The following MICA variants were observed in gnomAD, a reference collection of about 807,000 sequenced individuals.
MICA encodes MHC class I polypeptide-related sequence A.
Under a neutral mutation model 34.3 loss-of-function variants are expected in MICA, and 18 were observed. The ratio of observed to expected loss-of-function variants is 0.52; its 90% CI spans 0.36 to 0.78. The LOEUF is 0.78. MICA is among the 30% of genes least tolerant of loss of function. The pLI is 0.00. For synonymous variants in MICA, 135 were observed against 156.9 expected (o/e 0.86, Z 1.04); for missense variants, 333 against 409.4 (o/e 0.81, Z 1.61).
Position 31,411,527 on chromosome 6 carries a change from A to T in MICA, c.613+168A>T, listed in dbSNP as rs2853977. Among the ~76,000 whole-genome samples, 97,776 of 151,440 alleles carry T rather than the reference A, an allele frequency of 0.65. 32,646 individuals carry two copies. Among genetic ancestry groups the T allele is most frequent in the South Asian group, 0.8 (3,820 of 4,796 alleles). On this transcript the variant is annotated intron_variant, in intron 3 of 5. Coordinates refer to ENST00000449934, the MANE Select transcript of MICA (RefSeq NM_001177519.3). The surrounding 1 kb of genome is among the most constrained non-coding windows in gnomAD (Gnocchi z 4.3). ...TGTTAGAGCCACTGGATAAAGACAG[A>T]GGGTCAGGGACTGGACCATCCAGTG...
intron 1 of MICA, among the ~76,000 whole-genome samples, chr6:31,406,870 G>A (rs1313409054): frequency 6.6e-6 from 1 of 151,818 alleles, no homozygotes; most frequent in African/African-American, 2.4e-5. Context: ...GTAGATGTAT[G>A]GAATTGTTTC....
In MICA at chr6:31,411,658, C is replaced by T. The variant is rs1771163421; in HGVS notation, c.614-289C>T. Reference sequence around the variant, plus strand: ...GGCCAGGGCTGCCCCCTCTGCCTCCCAGCCTGCCCATCCTGGAGAGTTCCC... The same window carrying T: ...GGCCAGGGCTGCCCCCTCTGCCTCCTAGCCTGCCCATCCTGGAGAGTTCCC... On this transcript the variant is annotated intron_variant, in intron 3 of 5. Coordinates refer to ENST00000449934, the MANE Select transcript of MICA (RefSeq NM_001177519.3). This position sits in a 1 kb window ranked among gnomAD's most constrained non-coding sequence, Gnocchi z 4.3. 6.6e-6 allele frequency among the ~76,000 whole-genome samples: 1 copy of T among 151,762 alleles called. No homozygotes were observed. The highest frequency in any genetic ancestry group is 2.1e-4 in the South Asian group (1 of 4,820).
At position 31,408,627 on chromosome 6, in the gene MICA, T is replaced by A. The variant is rs146667604; in HGVS notation, c.71-1916T>A. Among the ~76,000 whole-genome samples the A allele has an allele frequency of 2.9e-3, 437 of 152,058 alleles. 16 individuals are homozygous for A. In the East Asian group the frequency reaches 0.051, roughly 18 times the overall value. Reference sequence around the variant, plus strand: ...ACCACCATTCTACTTTTTGTTTCTATGAATTTGACCACTCTAGGTACCTCA... The same window carrying A: ...ACCACCATTCTACTTTTTGTTTCTAAGAATTTGACCACTCTAGGTACCTCA... On this transcript the variant is annotated intron_variant, in intron 1 of 5. Coordinates refer to ENST00000449934, the MANE Select transcript of MICA (RefSeq NM_001177519.3).
intron 5 of MICA, among the ~76,000 whole-genome samples, chr6:31,412,854 C>A (rs1186126604): frequency 6.6e-6 from 1 of 151,938 alleles, no homozygotes; most frequent in Non-Finnish European, 1.5e-5. Flanking sequence ...GTAAAGGCAG[C>A]TGTGATCTGG....
chr6:31,410,388 T>C (rs1477896724), intron 1 of MICA, among the ~76,000 whole-genome samples, 155 bp from the exon 2 acceptor site: 1 of 151,618 alleles, frequency 6.6e-6, no homozygotes, highest in Non-Finnish European at 1.5e-5. Context: ...CCTCCCACCC[T>C]CACAGTTTTC....
At chr6:31,413,755 G>T (rs185647078) in intron 5 of MICA, among the ~76,000 whole-genome samples, 55 of 152,040 alleles carry the variant, frequency 3.6e-4, no homozygotes, top group Middle Eastern at 3.4e-3. Flanking sequence ...CTCACCTGTG[G>T]CGTCTCCCGT....
At chr6:31,408,058 G>A (rs956122391) in intron 1 of MICA, among the ~76,000 whole-genome samples, 1 of 151,804 alleles carries the variant, frequency 6.6e-6, no homozygotes, top group Admixed American at 6.6e-5. Context: ...TTATCATGAA[G>A]GGATGTTGAA....
chr6:31,414,785 C>T (rs1242241389), intron 5 of MICA, among the ~76,000 whole-genome samples: 1 of 151,736 alleles, frequency 6.6e-6, no homozygotes, highest in African/African-American at 2.4e-5. Context: ...CCTCCCTGCA[C>T]GATGAGTGGT....
At chr6:31,403,578 G>A (rs2301749), upstream of MICA, 18,855 of 1,403,636 alleles carry the variant, frequency 0.013, 193 homozygotes, top group South Asian at 0.027. This position sits in a 1 kb window ranked among gnomAD's most constrained non-coding sequence, Gnocchi z 4.7. Context: ...AGTTTCCGCG[G>A]CGCCTTCTCC....
rs372120550 is a variant in MICA at position 31,410,417 on chromosome 6, G to A, written c.71-126G>A. 622 of 1,240,658 alleles carry A rather than the reference G, an allele frequency of 5.0e-4. 21 individuals carry two copies. In the South Asian group the frequency reaches 8.4e-3, roughly 17 times the overall value. The allele number at this position is 1,240,658 out of a possible 1,614,324, so 76.9% of individuals were successfully genotyped here. A position where few individuals can be genotyped will look rare whatever the true frequency, so the allele number is the denominator to read the frequency against. ...AGTTTTCTTTGTATATGAAATCCTC[G>A]TTCTTGTCCCTTTGCCCGTGTGCAT... On this transcript the variant is annotated intron_variant, in intron 1 of 5. Coordinates refer to ENST00000449934, the MANE Select transcript of MICA (RefSeq NM_001177519.3).
rs1051797 is a variant in MICA, at chr6:31,412,017, C to T, written c.684C>T (p.Ser228=). The change falls in exon 4 of 6, where the codon TCC becomes TCT. Residue 228 remains serine (S), a synonymous_variant. Transcript: ENST00000449934. ...ACATCACCGTGACATGCAGGGCTTC[C>T]AGCTTCTATCCCCGGAATATCATAC... is the stretch of plus-strand genomic sequence containing the variant. The part of the protein sequence containing the change: ...EGNITVTCRA[S]SFYPRNIILT... The T allele has an allele frequency of 0.29, 468,133 of 1,604,280 alleles. 73,757 individuals are homozygous for T. The highest frequency in any genetic ancestry group is 0.45 in the African/African-American group (33,539 of 74,482).
chr6:31,410,715 A>G lies in MICA; in HGVS notation c.243A>G (p.Thr81=), dbSNP rs17206546. Residue 81 remains threonine, a synonymous_variant, in exon 2 of 6, where the codon ACA becomes ACG. Coordinates refer to ENST00000449934, the MANE Select transcript of MICA (RefSeq NM_001177519.3). The stretch of plus-strand genomic sequence containing the variant: ...CAGAAGATGTCCTGGGAAATAAGAC[A>G]TGGGACAGAGAGACCAGGGACTTGA... ...QWAEDVLGNK[T]WDRETRDLTG... 23 of 1,611,028 alleles carry G rather than the reference A, an allele frequency of 1.4e-5. No homozygotes were observed. The highest frequency in any genetic ancestry group is 2.0e-5 in the Non-Finnish European group (23 of 1,179,090).
In MICA at chr6:31,415,108, T is replaced by C. The variant is rs761608669; in HGVS notation, c.*126T>C. ...GGATTTCAGCCTCTGATGTCAGCTC[T>C]TGGGTCCACTGGCTCCACTGAGGGC... On this transcript the variant is annotated 3_prime_UTR_variant, in exon 6 of 6. Transcript: ENST00000449934. The C allele has an allele frequency of 2.0e-5, 24 of 1,194,730 alleles. No homozygotes were observed. In the South Asian group the frequency reaches 2.6e-4, roughly 13 times the overall value. 74.0% of individuals were successfully genotyped at this position (1,194,730 alleles called of 1,614,324 possible). A position where few individuals can be genotyped will look rare whatever the true frequency, so the allele number is the denominator to read the frequency against.
chr6:31,403,766 T>G lies in MICA; in HGVS notation c.70+64T>G. 3 of 1,448,106 alleles carry G rather than the reference T, an allele frequency of 2.1e-6. No individual in the cohort carries two copies. The highest frequency in any genetic ancestry group is 2.8e-6 in the Non-Finnish European group (3 of 1,080,362). The allele number at this position is 1,448,106 out of a possible 1,614,324, so 89.7% of individuals were successfully genotyped here. A position where few individuals can be genotyped will look rare whatever the true frequency, so the allele number is the denominator to read the frequency against. ...CAGTGGGACGTTTCCGGGGGTCGGG[T>G]GGGTAGCGGCGAGCGCTGTGCGGTC... On this transcript the variant is annotated intron_variant, in intron 1 of 5. Coordinates refer to ENST00000449934, the MANE Select transcript of MICA (RefSeq NM_001177519.3). The surrounding 1 kb of genome is among the most constrained non-coding windows in gnomAD (Gnocchi z 4.7).
chr6:31,409,006 CAA>C (rs9281426), intron 1 of MICA, among the ~76,000 whole-genome samples: 1 of 144,838 alleles, frequency 6.9e-6, no homozygotes. Context: ...ATTCCATCTC[CAA>C]AAAAAAAAAT....
chr6:31,411,961 A>G lies in MICA; in HGVS notation c.628A>G (p.Asn210Asp). Residue 210 changes from asparagine to aspartate, a missense_variant, in exon 4 of 6, where the codon AAT becomes GAT. Physicochemically the swap from Asn to Asp is conservative, Grantham distance 23 (BLOSUM62 1). Coordinates refer to ENST00000449934, the MANE Select transcript of MICA (RefSeq NM_001177519.3). The surrounding 1 kb of genome is among the most constrained non-coding windows in gnomAD (Gnocchi z 4.3). ...VLRRTVPPMV[N>D]VTRSEASEGN... ...TTCTTCTCCAGTGCCCCCCATGGTG[A>G]ATGTCACCCGCAGCGAGGCCTCAGA... 1 of 1,612,504 alleles carries G rather than the reference A, an allele frequency of 6.2e-7. No individual in the cohort carries two copies. Among genetic ancestry groups the G allele is most frequent in the Non-Finnish European group, 8.5e-7 (1 of 1,179,428 alleles).
chr6:31,400,794 A>AGG (rs1362635532), upstream of MICA: 2 of 139,554 alleles, frequency 1.4e-5, no homozygotes, highest in Admixed American at 1.5e-4. Flanking sequence ...GCAAGTGCTG[A>AGG]GGGAGAAAAC....
At position 31,414,982 on chromosome 6, in the gene MICA, A is replaced by G. The variant is rs749945840; in HGVS notation, c.*30-30A>G. 4 of 1,468,394 alleles carry G rather than the reference A, an allele frequency of 2.7e-6. No individual in the cohort carries two copies. The East Asian group carries it at 9.7e-5, about 36-fold the overall frequency. 91.0% of individuals were successfully genotyped at this position (1,468,394 alleles called of 1,614,324 possible). On this transcript the variant is annotated intron_variant, in intron 5 of 5. Transcript: ENST00000449934. ...ATAAACACAACACTGCACCCAGTGG[A>G]GCATTTACCCATTTCCCTCTTTTCT...
chr6:31,403,517 C>T, upstream of MICA: 1 of 800,472 alleles, frequency 1.2e-6, no homozygotes. This position sits in a 1 kb window ranked among gnomAD's most constrained non-coding sequence, Gnocchi z 4.7. Flanking sequence ...CCCTAAGTTC[C>T]GGGCCCCAGT....
Sources: allele counts gnomAD v4.1 joint callset (sites outside exome capture counted in the v4.1 genomes callset), GRCh38; gene constraint gnomAD v4.1.1; non-coding constraint Gnocchi (gnomAD v3.1); transcripts MANE v1.5; gene names NCBI Gene and HGNC (gene_info 2026-07-23, HGNC 2026-07-21).